Variants in HSD17B13 observed in about 807,000 individuals in gnomAD.
The protein encoded by HSD17B13 is hydroxysteroid 17-beta dehydrogenase 13, also known as 17-beta-hydroxysteroid dehydrogenase 13.
HSD17B13 carries 26 observed loss-of-function variants against 31.1 expected under a neutral mutation model. That is an observed-to-expected ratio of 0.84 (90% CI 0.61 to 1.16). The LOEUF is 1.16. Among genes scored for constraint, HSD17B13 ranks in the 50% most tolerant of loss-of-function variants. The probability of loss-of-function intolerance (pLI) is 0.00; values close to 1 mark genes in which losing one functional copy is unlikely to be tolerated. For missense variants in HSD17B13, 374 were observed against 366.5 expected (o/e 1.02, Z -0.17); for synonymous variants, 141 against 133.7 (o/e 1.05, Z -0.38).
intron 1 of HSD17B13, among the ~76,000 whole-genome samples, chr4:87,322,331 T>G (rs2110105890): frequency 6.6e-6 from 1 of 152,282 alleles, no homozygotes; most frequent in Admixed American, 6.5e-5. Context: ...TTATCCCCAC[T>G]TCAGAGCCAA....
At chr4:87,306,639 G>T (rs992303903) in intron 6 of HSD17B13, among the ~76,000 whole-genome samples, 5 of 152,066 alleles carry the variant, frequency 3.3e-5, no homozygotes, top group African/African-American at 1.2e-4. Context: ...TGGCCCGGTG[G>T]CTCACGCCTG....
In HSD17B13 at chr4:87,320,480, G is replaced by A. The variant is rs1437751802; in HGVS notation, c.211-2044C>T. 6.7e-5 allele frequency among the ~76,000 whole-genome samples: 9 copies of A among 134,972 alleles called. 1 individual carries two copies. In the East Asian group the frequency reaches 2.0e-3, roughly 31 times the overall value. 88.5% of individuals were successfully genotyped at this position (134,972 alleles called of 152,430 possible). A position where few individuals can be genotyped will look rare whatever the true frequency, so the allele number is the denominator to read the frequency against. The stretch of plus-strand genomic sequence containing the variant: ...CGGCTCACTGCAAGCTCCGCCTCCC[G>A]GGTTCACACCATTCTCCTGCCTCAG... On this transcript the variant is annotated intron_variant, in intron 1 of 6. Transcript: ENST00000328546.
chr4:87,315,484 G>A lies in HSD17B13; in HGVS notation c.557+9C>T, dbSNP rs1414393748. 2 of 1,501,894 alleles carry A rather than the reference G, an allele frequency of 1.3e-6. No homozygotes were observed. Among genetic ancestry groups the A allele is most frequent in the African/African-American group, 2.7e-5 (2 of 72,750 alleles). The allele number at this position is 1,501,894 out of a possible 1,614,324, so 93.0% of individuals were successfully genotyped here. On this transcript the variant is annotated intron_variant, in intron 4 of 6. Coordinates refer to ENST00000328546, the MANE Select transcript of HSD17B13 (RefSeq NM_178135.5). ...AAAATATATAACATGGCTGGCATGT[G>A]ATACTTACCAATATGGGATGAGGTA...
chr4:87,314,641 T>TCTCTCTCTCTCACACACA (rs373166006), intron 4 of HSD17B13, among the ~76,000 whole-genome samples: 1 of 142,140 alleles, frequency 7.0e-6, no homozygotes, highest in African/African-American at 2.5e-5. Context: ...TCTCTCTCTC[T>TCTCTCTCTCTCACACACA]CACACACACA....
At chr4:87,311,455 T>C (rs1476359587) in intron 5 of HSD17B13, among the ~76,000 whole-genome samples, 1 of 152,116 alleles carries the variant, frequency 6.6e-6, no homozygotes, top group Non-Finnish European at 1.5e-5. Flanking sequence ...GTATTTGAGA[T>C]TCACCTCTGA....
At chr4:87,322,438 T>C (rs906335610) in intron 1 of HSD17B13, among the ~76,000 whole-genome samples, 194 bp downstream of exon 1, 10 of 152,162 alleles carry the variant, frequency 6.6e-5, no homozygotes, top group African/African-American at 2.4e-4. Flanking sequence ...CACCATGTCA[T>C]AAAAATCGCT....
chr4:87,313,295 C>T (rs1267915924), intron 5 of HSD17B13, among the ~76,000 whole-genome samples: 3 of 151,978 alleles, frequency 2.0e-5, no homozygotes, highest in African/African-American at 4.8e-5. Flanking sequence ...AAATTGGTTT[C>T]GAATCATTAA....
chr4:87,315,687 G>T, intron 3 of HSD17B13, 88 bp from the exon 4 acceptor site: 1 of 680,026 alleles, frequency 1.5e-6, no homozygotes, highest in Non-Finnish European at 2.5e-6. Flanking sequence ...AAGACAGAAA[G>T]GCATTTGAGA....
At position 87,313,903 on chromosome 4, in the gene HSD17B13, G is replaced by C. The variant is rs1449510201; in HGVS notation, c.615C>G (p.Ala205=). 3 of 1,608,798 alleles carry C rather than the reference G, an allele frequency of 1.9e-6. No individual in the cohort carries two copies. The highest frequency in any genetic ancestry group is 2.2e-5 in the South Asian group (2 of 90,118). The change falls in exon 5 of 7, where the codon GCC becomes GCG. Residue 205 remains alanine (A), a synonymous_variant. Transcript: ENST00000328546. ...FHRGLTSELQ[A]LGKTGIKTSC... ...AGGTTTTGATACCAGTTTTTCCCAA[G>C]GCCTGAAGTTCTGATGTCAGACCTC...
intron 1 of HSD17B13, among the ~76,000 whole-genome samples, chr4:87,321,283 C>T (rs905426368): frequency 5.9e-5 from 9 of 152,124 alleles, no homozygotes; most frequent in Admixed American, 3.9e-4. Flanking sequence ...TGCCCACCTC[C>T]GTCTCCCAAA....
intron 1 of HSD17B13, among the ~76,000 whole-genome samples, chr4:87,321,190 CAGCTAATTTTTGTATTTTT>C (rs1359310623): frequency 6.6e-6 from 1 of 152,046 alleles, no homozygotes; most frequent in Non-Finnish European, 1.5e-5. Context: ...CCCCCGCACC[CAGCTAATTTTTGTATTTTT>C]TGTAGAGTTG....
intron 6 of HSD17B13, 62 bp from the exon 7 acceptor site, chr4:87,305,370 C>G: frequency 1.8e-6 from 2 of 1,129,092 alleles, no homozygotes; most frequent in Middle Eastern, 5.8e-4. Flanking sequence ...CAACAGAGTT[C>G]TGTTTTTGGT....
intron 2 of HSD17B13, among the ~76,000 whole-genome samples, chr4:87,317,854 T>A (rs1472277689): frequency 1.3e-5 from 2 of 152,086 alleles, no homozygotes; most frequent in Admixed American, 1.3e-4. Flanking sequence ...AATGTAAAGT[T>A]TGTTAGAGTG....
chr4:87,317,235 G>C lies in HSD17B13; in HGVS notation c.319-12C>G. The C allele has an allele frequency of 6.2e-7, 1 of 1,613,610 alleles. No individual in the cohort carries two copies. The highest frequency in any genetic ancestry group is 8.5e-7 in the Non-Finnish European group (1 of 1,179,710). ...ACTTCTTTCTTCACCTTTTGAAATT[G>C]AAAGAACACTTTCACTGGGTGTATT... is the stretch of plus-strand genomic sequence containing the variant. On this transcript the variant is annotated splice_polypyrimidine_tract_variant and intron_variant, in intron 2 of 6. Transcript: ENST00000328546.
intron 6 of HSD17B13, among the ~76,000 whole-genome samples, 197 bp downstream of exon 6, chr4:87,310,046 T>C (rs568591206): frequency 1.8e-4 from 28 of 152,070 alleles, no homozygotes; most frequent in Admixed American, 3.9e-4. Flanking sequence ...ACACCTATAA[T>C]CCCAGTTACT....
In HSD17B13 at chr4:87,322,691, G is replaced by A; in HGVS notation, c.151C>T (p.Gln51Ter). 3 of 1,614,088 alleles carry A rather than the reference G, an allele frequency of 1.9e-6. No individual in the cohort carries two copies. Among genetic ancestry groups the A allele is most frequent in the Non-Finnish European group, 2.5e-6 (3 of 1,179,978 alleles). ...CGTTTTGCAAATTCATAAGTAGTCT[G>A]CCTGCCTATTCCATGCCCAGCTCCA... Reference protein sequence around the residue: ...ITGAGHGIGRQTTYEFAKRQS... With the variant: ...ITGAGHGIGR The change falls in exon 1 of 7, where the codon CAG (glutamine) becomes TAG (stop). Residue 51 changes from glutamine to a stop codon, truncating the protein, a stop_gained. Transcript: ENST00000328546. LOFTEE classifies it high-confidence loss of function.
At chr4:87,313,000 C>T (rs1410009921) in intron 5 of HSD17B13, among the ~76,000 whole-genome samples, 2 of 151,518 alleles carry the variant, frequency 1.3e-5, no homozygotes, top group East Asian at 2.0e-4. Context: ...GCGGAGGTTG[C>T]GGTGAGCTGA....
intron 5 of HSD17B13, among the ~76,000 whole-genome samples, chr4:87,311,426 C>T (rs1578438590): frequency 6.6e-6 from 1 of 152,104 alleles, no homozygotes; most frequent in Admixed American, 6.5e-5. Context: ...GATTGGAACC[C>T]CTTTCCGGTA....
Position 87,318,157 on chromosome 4 carries a change from G to C in HSD17B13, c.318+172C>G, listed in dbSNP as rs144157674. On this transcript the variant is annotated intron_variant, in intron 2 of 6. Coordinates refer to ENST00000328546, the MANE Select transcript of HSD17B13 (RefSeq NM_178135.5). ...GAACAATAATAATGGGCAGAGCTGAGTGGATTACATACAAGAAAAAAAGTA... is the reference window on the plus strand; with the variant it reads ...GAACAATAATAATGGGCAGAGCTGACTGGATTACATACAAGAAAAAAAGTA... Among the ~76,000 whole-genome samples the C allele has an allele frequency of 3.1e-3, 472 of 152,284 alleles. 2 individuals carry two copies. Among genetic ancestry groups the C allele is most frequent in the African/African-American group, 0.01 (434 of 41,552 alleles).
Sources: allele counts gnomAD v4.1 joint callset (sites outside exome capture counted in the v4.1 genomes callset), GRCh38; gene constraint gnomAD v4.1.1; transcripts MANE v1.5; gene names NCBI Gene and HGNC (gene_info 2026-07-23, HGNC 2026-07-21).